PDS5A: variants seen among roughly 807,000 people sequenced by gnomAD.
PDS5A encodes the protein PDS5 cohesin associated factor A.
Under a neutral mutation model 167.1 loss-of-function variants are expected in PDS5A, and 42 were observed. That is an observed-to-expected ratio of 0.25 (90% CI 0.20 to 0.33). PDS5A has a LOEUF of 0.33. Ranked by LOEUF, PDS5A falls within the 10% of genes least tolerant of loss-of-function variation. The probability of loss-of-function intolerance (pLI) is 1.00; values close to 1 mark genes in which losing one functional copy is unlikely to be tolerated. For synonymous variants in PDS5A, 553 were observed against 554.6 expected (o/e 1.00, Z 0.04); for missense variants, 1,033 against 1,605.9 (o/e 0.64, Z 6.10).
intron 9 of PDS5A, among the ~76,000 whole-genome samples, chr4:39,911,227 G>A (rs1027863376): frequency 6.6e-6 from 1 of 152,046 alleles, no homozygotes; most frequent in African/African-American, 2.4e-5. Flanking sequence ...GTTCAAAGAT[G>A]AGTGCAGAAA....
At position 39,879,971 on chromosome 4, in the gene PDS5A, T is replaced by C. The variant is rs1377459780; in HGVS notation, c.1887-138A>G. 5 of 524,886 alleles carry C rather than the reference T, an allele frequency of 9.5e-6. No individual in the cohort carries two copies. In the East Asian group the frequency reaches 1.1e-4, roughly 12 times the overall value. The allele number at this position is 524,886 out of a possible 1,614,324, so 32.5% of individuals were successfully genotyped here. The stretch of plus-strand genomic sequence containing the variant: ...TGTGGGGGAAAAAAGTTCAACCTTG[T>C]CCTCTACTTGATAACTAAACTTCTA... On this transcript the variant is annotated intron_variant, in intron 17 of 32. Transcript: ENST00000303538.
At chr4:39,914,005 T>C (rs1306923934) in intron 8 of PDS5A, among the ~76,000 whole-genome samples, 1 of 152,178 alleles carries the variant, frequency 6.6e-6, no homozygotes, top group African/African-American at 2.4e-5. Flanking sequence ...TGTACAAATA[T>C]GAGACATACA....
intron 23 of PDS5A, among the ~76,000 whole-genome samples, chr4:39,865,826 C>G (rs1442805579): frequency 1.3e-5 from 2 of 152,170 alleles, no homozygotes; most frequent in Non-Finnish European, 2.9e-5. Flanking sequence ...AAACCTCTGT[C>G]CTCTAAAACA....
At chr4:39,966,415 C>T (rs995462684) in intron 2 of PDS5A, among the ~76,000 whole-genome samples, 6 of 152,112 alleles carry the variant, frequency 3.9e-5, no homozygotes, top group Non-Finnish European at 7.3e-5. Flanking sequence ...GATGGCCCTA[C>T]GTTAATATCA....
intron 2 of PDS5A, among the ~76,000 whole-genome samples, chr4:39,944,197 A>AT (rs1254841768): frequency 6.6e-6 from 1 of 151,782 alleles, no homozygotes; most frequent in Non-Finnish European, 1.5e-5. Context: ...AAAAAAAAAA[A>AT]AATACACTAT....
intron 21 of PDS5A, among the ~76,000 whole-genome samples, chr4:39,872,268 C>G (rs1344144943): frequency 6.9e-6 from 1 of 145,478 alleles, no homozygotes; most frequent in Non-Finnish European, 1.5e-5. Context: ...CCTCTGCCTT[C>G]TGGGTTCAAG....
rs578112501 is a variant in PDS5A at position 39,915,500 on chromosome 4, C to T, written c.876+1548G>A. ...TCAGCCTCCTGAGTAGCTGGGACTA[C>T]GGGTGTGTGGCAATATGCTTGGCTA... On this transcript the variant is annotated intron_variant, in intron 8 of 32. Transcript: ENST00000303538. Among the ~76,000 whole-genome samples, 8 of 152,006 alleles carry T rather than the reference C, an allele frequency of 5.3e-5. No homozygotes were observed. The South Asian group carries it at 6.2e-4, about 12-fold the overall frequency.
At chr4:39,829,888 T>C (rs545730053) in intron 32 of PDS5A, among the ~76,000 whole-genome samples, 152 of 124,672 alleles carry the variant, frequency 1.2e-3, no homozygotes, top group African/African-American at 4.6e-3. Flanking sequence ...GAGGTGGAGC[T>C]TGCAAAGAGC....
At chr4:39,856,534 G>A (rs188544614) in intron 26 of PDS5A, among the ~76,000 whole-genome samples, 1 of 152,294 alleles carries the variant, frequency 6.6e-6, no homozygotes, top group East Asian at 1.9e-4. Context: ...AGGAAAATGC[G>A]GCTGGGTGCA....
rs552182165 is a variant in PDS5A, at chr4:39,948,312, C to CTTTTTTT, written c.139-20155_139-20149dup. Among the ~76,000 whole-genome samples, 16 of 80,928 alleles carry CTTTTTTT rather than the reference C, an allele frequency of 2.0e-4. 1 individual carries two copies. Among genetic ancestry groups the CTTTTTTT allele is most frequent in the Non-Finnish European group, 2.8e-4 (13 of 45,860 alleles). The allele number at this position is 80,928 out of a possible 152,430, so 53.1% of individuals were successfully genotyped here. On this transcript the variant is annotated intron_variant, in intron 2 of 32. Transcript: ENST00000303538. ...ACAATAGCCAAAAGGTGAATCAAACCTTTTTTTTTTTTTTTTTTTTTTTGA... is the reference window on the plus strand; with the variant it reads ...ACAATAGCCAAAAGGTGAATCAAACCTTTTTTTTTTTTTTTTTTTTTTTTTTTTTTGA...
In PDS5A at chr4:39,928,184, C is replaced by A. The variant is rs1054781787; in HGVS notation, c.139-20G>T. On this transcript the variant is annotated intron_variant, in intron 2 of 32. Coordinates refer to ENST00000303538, the MANE Select transcript of PDS5A (RefSeq NM_001100399.2). The stretch of plus-strand genomic sequence containing the variant: ...TACCATCTGTAAAAATGTACAAAAA[C>A]ACAAAATAATTAACTCCTGGAATTT... The A allele has an allele frequency of 4.7e-6, 7 of 1,488,472 alleles. No homozygotes were observed. Among genetic ancestry groups the A allele is most frequent in the Non-Finnish European group, 4.6e-6 (5 of 1,076,524 alleles). 92.2% of individuals were successfully genotyped at this position (1,488,472 alleles called of 1,614,324 possible). A position where few individuals can be genotyped will look rare whatever the true frequency, so the allele number is the denominator to read the frequency against.
At chr4:39,884,162 C>T (rs774641859) in intron 17 of PDS5A, among the ~76,000 whole-genome samples, 1 of 150,468 alleles carries the variant, frequency 6.6e-6, no homozygotes, top group Non-Finnish European at 1.5e-5. Context: ...CTCCTGACCT[C>T]GTGATCTGCC....
intron 16 of PDS5A, among the ~76,000 whole-genome samples, chr4:39,896,793 T>C (rs534676199): frequency 4.1e-5 from 6 of 144,694 alleles, no homozygotes; most frequent in Admixed American, 2.1e-4. Context: ...TTTTAAAACT[T>C]TTTTTTGTGC....
intron 32 of PDS5A, among the ~76,000 whole-genome samples, chr4:39,833,191 CAAAAAAAAAAAA>C (rs1166233113): frequency 1.8e-4 from 7 of 37,928 alleles, no homozygotes; most frequent in Admixed American, 1.5e-3. Flanking sequence ...AACTCCGTCT[CAAAAAAAAAAAA>C]AAAAAAAAAA....
At chr4:39,945,115 C>T (rs1184486068) in intron 2 of PDS5A, among the ~76,000 whole-genome samples, 1 of 152,038 alleles carries the variant, frequency 6.6e-6, no homozygotes, top group Non-Finnish European at 1.5e-5. Context: ...TTAATACCCC[C>T]GTTTAACAGA....
intron 9 of PDS5A, 104 bp from the exon 10 acceptor site, chr4:39,910,442 A>T: frequency 1.6e-6 from 1 of 626,056 alleles, no homozygotes; most frequent in Non-Finnish European, 2.8e-6. Context: ...ATAGTTACTG[A>T]TTAGAAAATT....
At chr4:39,921,571 A>G (rs1033616000) in intron 6 of PDS5A, among the ~76,000 whole-genome samples, 2 of 147,326 alleles carry the variant, frequency 1.4e-5, no homozygotes, top group African/African-American at 5.0e-5. Context: ...CCCTGTTTCT[A>G]CAAAGAAAAC....
rs1275200698 is a variant in PDS5A, at chr4:39,873,286, C to A, written c.2278-142G>T. On this transcript the variant is annotated intron_variant, in intron 20 of 32. Transcript: ENST00000303538. The stretch of plus-strand genomic sequence containing the variant: ...CTAATACGATCATAACTAACTTCAA[C>A]CATGTTAAGACACCTGGTTCTTAAT... 3 of 424,884 alleles carry A rather than the reference C, an allele frequency of 7.1e-6. No individual in the cohort carries two copies. In the Admixed American group the frequency reaches 1.3e-4, roughly 19 times the overall value. The allele number at this position is 424,884 out of a possible 1,614,324, so 26.3% of individuals were successfully genotyped here.
chr4:39,879,954 A>G, intron 17 of PDS5A, 121 bp from the exon 18 acceptor site: 1 of 564,164 alleles, frequency 1.8e-6, no homozygotes, highest in South Asian at 3.1e-5. Context: ...TCTGTGGGGG[A>G]AAAAAGTTCA....
Sources: gnomAD v4.1 joint callset for allele counts (sites outside exome capture counted in the v4.1 genomes callset) on GRCh38, gnomAD v4.1.1 for gene constraint, MANE v1.5 for transcripts, NCBI Gene and HGNC (gene_info 2026-07-23, HGNC 2026-07-21) for gene names.